The following CTNNA1 variants were observed in gnomAD, a reference collection of about 807,000 sequenced individuals.
CTNNA1 encodes the protein catenin alpha 1, also known as catenin alpha-1.
In CTNNA1, 37 loss-of-function variants were observed where a neutral mutation model predicts 98.4. The ratio of observed to expected loss-of-function variants is 0.38; its 90% CI spans 0.29 to 0.49. The LOEUF (loss-of-function observed/expected upper bound fraction) is 0.49. Ranked by LOEUF, CTNNA1 falls within the 20% of genes least tolerant of loss-of-function variation. CTNNA1 has a pLI of 0.95. For synonymous variants in CTNNA1, 404 were observed against 413.2 expected (o/e 0.98, Z 0.27); for missense variants, 761 against 1,147.2 (o/e 0.66, Z 4.86).
chr5:138,801,145 C>G (rs902477508), intron 3 of CTNNA1, among the ~76,000 whole-genome samples: 1 of 152,186 alleles, frequency 6.6e-6, no homozygotes, highest in Non-Finnish European at 1.5e-5. Flanking sequence ...ATTCACAATA[C>G]TTGACCATAC....
At position 138,934,354 on chromosome 5, in the gene CTNNA1, A is replaced by G; in HGVS notation, c.*265A>G. ...TCATAACCAAAGAGAATCCCACATT[A>G]GCTTGTTAGTAATGCTCTGACCAAG... On this transcript the variant is annotated 3_prime_UTR_variant, in exon 18 of 18. Coordinates refer to ENST00000302763, the MANE Select transcript of CTNNA1 (RefSeq NM_001903.5). 2.3e-6 allele frequency: 1 copy of G among 438,014 alleles called. No individual in the cohort carries two copies. Among genetic ancestry groups the G allele is most frequent in the South Asian group, 2.8e-5 (1 of 36,010 alleles). The allele number at this position is 438,014 out of a possible 1,614,324, so 27.1% of individuals were successfully genotyped here.
At chr5:138,897,429 G>A (rs1014762310) in intron 9 of CTNNA1, among the ~76,000 whole-genome samples, 5 of 151,232 alleles carry the variant, frequency 3.3e-5, no homozygotes, top group South Asian at 2.1e-4. Context: ...CTTTTATTCC[G>A]TAGTATGCTG....
At chr5:138,904,259 C>A (rs1322669217) in intron 9 of CTNNA1, 90 bp from the exon 10 acceptor site, 2 of 1,454,370 alleles carry the variant, frequency 1.4e-6, no homozygotes, top group Non-Finnish European at 1.8e-6. Flanking sequence ...GTCATCTGTT[C>A]CAGAATGGTC....
intron 6 of CTNNA1, among the ~76,000 whole-genome samples, chr5:138,826,683 A>G (rs1298657573): frequency 2.6e-5 from 4 of 152,224 alleles, no homozygotes; most frequent in African/African-American, 4.8e-5. Flanking sequence ...TTTGAGACTG[A>G]ATTATTTAGA....
intron 7 of CTNNA1, among the ~76,000 whole-genome samples, chr5:138,856,357 AAAAC>A (rs890560324): frequency 6.6e-6 from 1 of 152,064 alleles, no homozygotes; most frequent in Non-Finnish European, 1.5e-5. Flanking sequence ...TTTAAAGAAT[AAAAC>A]AGACAGGGTC....
At chr5:138,818,134 CT>C (rs781515010) in intron 5 of CTNNA1, among the ~76,000 whole-genome samples, 164 of 133,340 alleles carry the variant, frequency 1.2e-3, no homozygotes, top group Non-Finnish European at 1.5e-3. Flanking sequence ...TTTCCTTTTT[CT>C]TTTTTTTTTT....
intron 5 of CTNNA1, among the ~76,000 whole-genome samples, chr5:138,813,796 T>C (rs770580032): frequency 1.1e-4 from 16 of 152,080 alleles, no homozygotes; most frequent in Admixed American, 2.0e-4. Flanking sequence ...TTTTTGTACT[T>C]TTTGTAGATA....
At chr5:138,916,458 G>T (rs1216409569) in intron 10 of CTNNA1, among the ~76,000 whole-genome samples, 1 of 151,086 alleles carries the variant, frequency 6.6e-6, no homozygotes, top group African/African-American at 2.4e-5. Flanking sequence ...GAACTCCTGG[G>T]CTCAAGCAGT....
At chr5:138,830,233 G>T (rs181486167) in intron 7 of CTNNA1, among the ~76,000 whole-genome samples, 1 of 151,552 alleles carries the variant, frequency 6.6e-6, no homozygotes, top group African/African-American at 2.4e-5. Context: ...TGGTGTGGGG[G>T]CCCCTGTAGT....
intron 10 of CTNNA1, among the ~76,000 whole-genome samples, chr5:138,910,921 A>G (rs1760476004): frequency 6.6e-6 from 1 of 152,194 alleles, no homozygotes; most frequent in Non-Finnish European, 1.5e-5. Context: ...TGAGTAGAAG[A>G]GTGACATGAG....
intron 1 of CTNNA1, chr5:138,761,823 C>T (rs1168374329): frequency 6.6e-6 from 1 of 152,284 alleles, no homozygotes; most frequent in Non-Finnish European, 1.5e-5. Context: ...GGTGCAATCA[C>T]ACCTCACTGC....
chr5:138,821,826 T>C (rs1224286149), intron 5 of CTNNA1, among the ~76,000 whole-genome samples: 1 of 152,216 alleles, frequency 6.6e-6, no homozygotes, highest in Non-Finnish European at 1.5e-5. Context: ...GTAAATAATC[T>C]ATTATGTTGC....
At chr5:138,826,453 C>G (rs1170525046) in intron 6 of CTNNA1, among the ~76,000 whole-genome samples, 2 of 152,126 alleles carry the variant, frequency 1.3e-5, no homozygotes, top group Non-Finnish European at 2.9e-5. Flanking sequence ...CGATGTTTCA[C>G]CTTGTACCTA....
intron 14 of CTNNA1, 100 bp downstream of exon 14, chr5:138,929,456 TTCTC>T (rs1416188096): frequency 6.2e-5 from 41 of 657,112 alleles, no homozygotes; most frequent in Middle Eastern, 5.4e-4. Flanking sequence ...AGAACACCGT[TTCTC>T]TCTCTCTGTC....
intron 7 of CTNNA1, among the ~76,000 whole-genome samples, chr5:138,884,399 G>C (rs946682126): frequency 2.6e-5 from 4 of 152,216 alleles, no homozygotes; most frequent in Admixed American, 6.5e-5. Flanking sequence ...AAAGGTGCCA[G>C]ATTCTTAGTT....
At position 138,841,185 on chromosome 5, in the gene CTNNA1, G is replaced by A. The variant is rs1762233167; in HGVS notation, c.1062+13467G>A. 2.6e-5 allele frequency among the ~76,000 whole-genome samples: 4 copies of A among 152,182 alleles called. No individual in the cohort carries two copies. In the South Asian group the frequency reaches 8.3e-4, roughly 32 times the overall value. Reference sequence around the variant, plus strand: ...GAATCTTTGTTCATATCTGATGACTGCTAATGAAGTCCTTGCCAGCAACTC... The same window carrying A: ...GAATCTTTGTTCATATCTGATGACTACTAATGAAGTCCTTGCCAGCAACTC... On this transcript the variant is annotated intron_variant, in intron 7 of 17. Coordinates refer to ENST00000302763, the MANE Select transcript of CTNNA1 (RefSeq NM_001903.5).
rs1475073002 is a variant in CTNNA1 at position 138,819,852 on chromosome 5, G to A, written c.589-4678G>A. ...CATGGTAGGAGGTGATTGGATTGGC[G>A]GGGGGCGGGGGGGTGAGTGGGGGGA... On this transcript the variant is annotated intron_variant, in intron 5 of 17. Transcript: ENST00000302763. 4.0e-5 allele frequency among the ~76,000 whole-genome samples: 6 copies of A among 149,764 alleles called. No homozygotes were observed. In the East Asian group the frequency reaches 1.0e-3, roughly 25 times the overall value.
chr5:138,768,558 G>GTTTTTTTTTTTTTTTTT, intron 1 of CTNNA1, among the ~76,000 whole-genome samples: 1 of 67,558 alleles, frequency 1.5e-5, no homozygotes, highest in Non-Finnish European at 2.9e-5. Flanking sequence ...AACGGTGTCT[G>GTTTTTTTTTTTTTTTTT]TTTTTTTTTT....
intron 7 of CTNNA1, among the ~76,000 whole-genome samples, chr5:138,833,346 A>C (rs1761464893): frequency 6.6e-6 from 1 of 152,204 alleles, no homozygotes; most frequent in Admixed American, 6.5e-5. Context: ...GTAGCCACTC[A>C]CCATATGTGG....
Sources: gnomAD v4.1 joint callset for allele counts (sites outside exome capture counted in the v4.1 genomes callset) on GRCh38, gnomAD v4.1.1 for gene constraint, MANE v1.5 for transcripts, NCBI Gene and HGNC (gene_info 2026-07-23, HGNC 2026-07-21) for gene names.